Variants in ABCB8 observed in about 807,000 individuals in gnomAD.
ABCB8 encodes ATP binding cassette subfamily B member 8.
ABCB8 carries 52 observed loss-of-function variants against 73.0 expected under a neutral mutation model. The ratio of observed to expected loss-of-function variants is 0.71; its 90% CI spans 0.57 to 0.90. The LOEUF is 0.90. Ranked by LOEUF, ABCB8 falls within the 40% of genes least tolerant of loss-of-function variation. The pLI is 0.00. For missense variants in ABCB8, 909 were observed against 974.6 expected (o/e 0.93, Z 0.90); for synonymous variants, 428 against 423.5 (o/e 1.01, Z -0.13).
rs2117218238 is a variant in ABCB8, at chr7:151,036,058, G to T, written c.1014-15G>T. On this transcript the variant is annotated splice_polypyrimidine_tract_variant and intron_variant, in intron 7 of 15. Coordinates refer to ENST00000358849, the MANE Select transcript of ABCB8 (RefSeq NM_007188.5). ...AGCCCAGCTGCCTCCTGAATGCACT[G>T]GTCTCTCTCACCAGGCGCTATGGGG... The T allele has an allele frequency of 6.2e-7, 1 of 1,613,072 alleles. No individual in the cohort carries two copies. Among genetic ancestry groups the T allele is most frequent in the Non-Finnish European group, 8.5e-7 (1 of 1,179,880 alleles).
intron 15 of ABCB8, among the ~76,000 whole-genome samples, chr7:151,044,427 C>A (rs75139230): frequency 0.041 from 6,191 of 152,262 alleles, 159 homozygotes; most frequent in Non-Finnish European, 0.062. Context: ...CTTCTTCTGT[C>A]CCCTGGGATA....
intron 9 of ABCB8, chr7:151,039,659 T>C (rs958018151): frequency 6.6e-6 from 1 of 152,302 alleles, no homozygotes; most frequent in Non-Finnish European, 1.5e-5. Flanking sequence ...GGGAATTTTG[T>C]TTTGGGGTCT....
intron 1 of ABCB8, among the ~76,000 whole-genome samples, chr7:151,031,983 T>C (rs1178873303): frequency 6.6e-6 from 1 of 152,176 alleles, no homozygotes; most frequent in Non-Finnish European, 1.5e-5. Flanking sequence ...TGACCCTTAT[T>C]GCCCCCCAAG....
chr7:151,035,197 A>G (rs985373196), intron 5 of ABCB8, among the ~76,000 whole-genome samples: 1 of 152,222 alleles, frequency 6.6e-6, no homozygotes, highest in East Asian at 1.9e-4. Context: ...TACCGAACAC[A>G]GATGCCCTCC....
rs371242848 is a variant in ABCB8 at position 151,035,868 on chromosome 7, T to C, written c.928-14T>C. 6.1e-5 allele frequency: 99 copies of C among 1,612,644 alleles called. No individual in the cohort carries two copies. The highest frequency in any genetic ancestry group is 2.0e-4 in the Admixed American group (12 of 60,008). On this transcript the variant is annotated splice_polypyrimidine_tract_variant and intron_variant, in intron 6 of 15. Coordinates refer to ENST00000358849, the MANE Select transcript of ABCB8 (RefSeq NM_007188.5). ...TTTCTGGACTCCTTGTCCTGTTTCC[T>C]GGACTCCTTGCAGATCGCCAGGGCA...
At chr7:151,034,639 G>A in intron 4 of ABCB8, 40 bp downstream of exon 4, 1 of 1,613,172 alleles carries the variant, frequency 6.2e-7, no homozygotes, top group Non-Finnish European at 8.5e-7. Flanking sequence ...GGTGACTGAT[G>A]GCCTGAGGGG....
At chr7:151,031,320 C>T in intron 1 of ABCB8, 2 of 1,536,582 alleles carry the variant, frequency 1.3e-6, no homozygotes, top group South Asian at 2.4e-5. Flanking sequence ...CTAATAGAAA[C>T]AAGAACACAG....
At chr7:151,029,036 C>T (rs188917143) in intron 1 of ABCB8, 3 of 1,165,732 alleles carry the variant, frequency 2.6e-6, no homozygotes, top group African/African-American at 1.6e-5. Context: ...AAGAGCCAAT[C>T]TAATAGGCCG....
intron 14 of ABCB8, 60 bp downstream of exon 14, chr7:151,042,168 G>T: frequency 6.3e-7 from 1 of 1,598,426 alleles, no homozygotes; most frequent in Non-Finnish European, 8.5e-7. Flanking sequence ...GGATTCCACA[G>T]GAGCAGTGAG....
intron 9 of ABCB8, chr7:151,037,160 C>T (rs903784214): frequency 1.4e-6 from 1 of 702,902 alleles, no homozygotes; most frequent in Non-Finnish European, 2.6e-6. Context: ...TATGATTTGA[C>T]AACTCTAGGG....
Position 151,028,569 on chromosome 7 carries a change from G to A in ABCB8, c.54G>A (p.Arg18=), listed in dbSNP as rs1796034986. The part of the protein sequence containing the change: ...VGIRGGPFPG[R]LLPPLRFQTF... ...TTCGGGGTGGCCCATTCCCAGGCAGGCTGCTACCGCCCCTCCGCTTCCAGA... is the reference window on the plus strand; with the variant it reads ...TTCGGGGTGGCCCATTCCCAGGCAGACTGCTACCGCCCCTCCGCTTCCAGA... The change falls in exon 1 of 16, where the codon AGG becomes AGA. Residue 18 remains arginine, a synonymous_variant. Transcript: ENST00000358849. The A allele has an allele frequency of 6.2e-7, 1 of 1,614,004 alleles. No homozygotes were observed. The highest frequency in any genetic ancestry group is 8.5e-7 in the Non-Finnish European group (1 of 1,180,024).
chr7:151,029,098 G>A (rs2117194353), intron 1 of ABCB8: 2 of 791,352 alleles, frequency 2.5e-6, no homozygotes, highest in Non-Finnish European at 3.2e-6. Flanking sequence ...CCAGGAGTTC[G>A]AGACCAGCCT....
chr7:151,032,058 T>G (rs144554899), intron 1 of ABCB8, among the ~76,000 whole-genome samples: 131 of 152,360 alleles, frequency 8.6e-4, no homozygotes, highest in African/African-American at 3.1e-3. Context: ...TTTTCCCTTC[T>G]TGTAGGTCAG....
At chr7:151,037,208 A>G (rs145993859) in intron 9 of ABCB8, 1 of 702,874 alleles carries the variant, frequency 1.4e-6, no homozygotes, top group African/African-American at 1.7e-5. Context: ...TCCTTTTGTG[A>G]CTGCGTTTTG....
intron 1 of ABCB8, chr7:151,028,952 G>C (rs965717433): frequency 1.5e-6 from 2 of 1,299,116 alleles, no homozygotes; most frequent in African/African-American, 3.0e-5. Flanking sequence ...TTAGTATGAA[G>C]AGACATTTAA....
At chr7:151,028,849 C>T (rs770786912) in intron 1 of ABCB8, 49 of 1,545,522 alleles carry the variant, frequency 3.2e-5, no homozygotes, top group Non-Finnish European at 4.0e-5. Flanking sequence ...AGGGGACGCT[C>T]GGGGTCAGTG....
chr7:151,036,187 G>A lies in ABCB8; in HGVS notation c.1111+17G>A. On this transcript the variant is annotated intron_variant, in intron 8 of 15. Coordinates refer to ENST00000358849, the MANE Select transcript of ABCB8 (RefSeq NM_007188.5). ...CCTTCAACTGTGAGTGAGCCATTTGGGGGCTGGAGGGGCGCTTGTGGGCTG... is the reference window on the plus strand; with the variant it reads ...CCTTCAACTGTGAGTGAGCCATTTGAGGGCTGGAGGGGCGCTTGTGGGCTG... 2.5e-6 allele frequency: 4 copies of A among 1,587,332 alleles called. No homozygotes were observed. The highest frequency in any genetic ancestry group is 3.4e-6 in the Non-Finnish European group (4 of 1,162,756).
intron 9 of ABCB8, 96 bp downstream of exon 9, chr7:151,036,745 C>T (rs764238657): frequency 7.6e-5 from 82 of 1,085,052 alleles, no homozygotes; most frequent in Non-Finnish European, 1.0e-4. Flanking sequence ...CTCTGGGGGC[C>T]GACTGCTGTG....
chr7:151,042,295 G>A (rs891853041), intron 14 of ABCB8, among the ~76,000 whole-genome samples, 187 bp downstream of exon 14: 1 of 152,206 alleles, frequency 6.6e-6, no homozygotes, highest in African/African-American at 2.4e-5. Flanking sequence ...GGGGAGTCCA[G>A]GCCAGTGTGG....
Sources: allele counts gnomAD v4.1 joint callset (sites outside exome capture counted in the v4.1 genomes callset), GRCh38; gene constraint gnomAD v4.1.1; transcripts MANE v1.5; gene names NCBI Gene and HGNC (gene_info 2026-07-23, HGNC 2026-07-21).